Variants in CDIN1 observed in about 807,000 individuals in gnomAD.
The protein encoded by CDIN1 is CDAN1-interacting nuclease 1.
In CDIN1, 33 loss-of-function variants were observed where a neutral mutation model predicts 45.3. The observed-to-expected ratio is 0.73, with a 90% confidence interval of 0.55 to 0.97. CDIN1 has a LOEUF of 0.97. Among genes scored for constraint, CDIN1 ranks in the 50% least tolerant of loss-of-function variants. The probability of loss-of-function intolerance (pLI) is 0.00; values close to 1 mark genes in which losing one functional copy is unlikely to be tolerated. For missense variants in CDIN1, 303 were observed against 339.4 expected, an observed-to-expected ratio of 0.89 and a Z score of 0.84; for synonymous variants, 118 against 124.4, an observed-to-expected ratio of 0.95 and a Z score of 0.34.
chr15:36,710,029 TTTG>T, intron 10 of CDIN1, 68 bp downstream of exon 10: 1 of 1,205,530 alleles, frequency 8.3e-7, no homozygotes. Flanking sequence ...AAAAAAATAT[TTTG>T]TTTAGCTGGT....
Position 36,808,583 on chromosome 15 carries a change from C to G in CDIN1, c.*130C>G, listed in dbSNP as rs1005348486. On this transcript the variant is annotated 3_prime_UTR_variant, in exon 11 of 11. Coordinates refer to ENST00000566621, the MANE Select transcript of CDIN1 (RefSeq NM_001321759.2). ...TGAACTCTTGCTGCCCGTAGTCACA[C>G]CACTACCTCTTTAGACAAACATATC... 11 of 1,209,512 alleles carry G rather than the reference C, an allele frequency of 9.1e-6. No individual in the cohort carries two copies. The Admixed American group carries it at 2.5e-4, about 28-fold the overall frequency. The allele number at this position is 1,209,512 out of a possible 1,614,324, so 74.9% of individuals were successfully genotyped here.
At chr15:36,618,470 C>G in intron 1 of CDIN1, 1 of 1,117,130 alleles carries the variant, frequency 9.0e-7, no homozygotes. Flanking sequence ...ATCTCAAGAC[C>G]TCATCCTTCA....
At chr15:36,739,462 G>C (rs889849649) in intron 10 of CDIN1, among the ~76,000 whole-genome samples, 1 of 151,946 alleles carries the variant, frequency 6.6e-6, no homozygotes, top group Non-Finnish European at 1.5e-5. Flanking sequence ...GAAAAGACAG[G>C]CTGTCTCCTC....
intron 10 of CDIN1, among the ~76,000 whole-genome samples, chr15:36,717,469 C>G (rs2043254845): frequency 6.6e-6 from 1 of 152,146 alleles, no homozygotes; most frequent in Non-Finnish European, 1.5e-5. Flanking sequence ...ATAATTATTT[C>G]AGGATAATAT....
intron 7 of CDIN1, among the ~76,000 whole-genome samples, chr15:36,694,943 T>C (rs2042372186): frequency 2.0e-5 from 3 of 152,232 alleles, no homozygotes; most frequent in Admixed American, 2.0e-4. Flanking sequence ...CCATTGAGAG[T>C]TATTCATCAA....
chr15:36,680,535 T>C (rs896080597), intron 5 of CDIN1, among the ~76,000 whole-genome samples: 3 of 152,200 alleles, frequency 2.0e-5, no homozygotes, highest in South Asian at 2.1e-4. Context: ...AAGTAAAATC[T>C]TTGGGTATCA....
chr15:36,642,495 AC>A (rs1367423007), intron 1 of CDIN1, among the ~76,000 whole-genome samples: 1 of 152,188 alleles, frequency 6.6e-6, no homozygotes, highest in African/African-American at 2.4e-5. Context: ...GCCATAGAAA[AC>A]TGAGTTGCTT....
chr15:36,611,775 T>TA (rs2038661717), intron 1 of CDIN1, among the ~76,000 whole-genome samples: 1 of 152,216 alleles, frequency 6.6e-6, no homozygotes, highest in African/African-American at 2.4e-5. Context: ...ATCAAATGAA[T>TA]ATCAAGTTGT....
chr15:36,713,603 C>G (rs192264191), intron 10 of CDIN1, among the ~76,000 whole-genome samples: 3 of 152,264 alleles, frequency 2.0e-5, no homozygotes, highest in Admixed American at 2.0e-4. Flanking sequence ...TGCCCTATTA[C>G]TCTGAAGATC....
At chr15:36,724,964 T>C (rs1595522836) in intron 10 of CDIN1, among the ~76,000 whole-genome samples, 1 of 152,098 alleles carries the variant, frequency 6.6e-6, no homozygotes, top group African/African-American at 2.4e-5. Flanking sequence ...GAAAGAAACC[T>C]TGGGAGTTGC....
intron 8 of CDIN1, among the ~76,000 whole-genome samples, chr15:36,699,445 GTACACCTTGAATTT>G (rs1417876988): frequency 1.3e-5 from 2 of 152,080 alleles, no homozygotes; most frequent in Non-Finnish European, 2.9e-5. Flanking sequence ...GTTTACATGT[GTACACCTTGAATTT>G]TGTTGCAGAG....
chr15:36,657,894 A>C lies in CDIN1; in HGVS notation c.335A>C (p.Glu112Ala). ...CTGGAGAGGTTTCTACAGGAACACG[A>C]GGAAACTCCACGTGAGTTACCCTTT... Reference protein sequence around the residue: ...LILERFLQEHEETPPSKSIIN... With the variant: ...LILERFLQEHAETPPSKSIIN... Residue 112 changes from glutamate to alanine, a missense_variant, in exon 5 of 11, where the codon GAG becomes GCG. Physicochemically the swap from Glu to Ala is moderately radical, Grantham distance 107 (BLOSUM62 -1). Transcript: ENST00000566621. 6.2e-7 allele frequency: 1 copy of C among 1,611,382 alleles called. No homozygotes were observed.
intron 8 of CDIN1, chr15:36,708,816 A>T (rs2042957700): frequency 6.5e-6 from 1 of 154,038 alleles, no homozygotes. Context: ...ATTTTTTCAT[A>T]ACTGTGAAGG....
intron 10 of CDIN1, among the ~76,000 whole-genome samples, chr15:36,731,861 C>A (rs955078265): frequency 3.9e-5 from 6 of 152,120 alleles, no homozygotes; most frequent in Non-Finnish European, 7.4e-5. Context: ...TCAATTATTT[C>A]TTATACATTC....
intron 10 of CDIN1, chr15:36,799,844 T>A (rs1316822062): frequency 6.6e-6 from 1 of 152,042 alleles, no homozygotes. Context: ...AAACAGAGAG[T>A]AAAGACAACA....
chr15:36,717,751 T>C (rs557650243), intron 10 of CDIN1, among the ~76,000 whole-genome samples: 1 of 152,278 alleles, frequency 6.6e-6, no homozygotes, highest in South Asian at 2.1e-4. Flanking sequence ...ACAAAATGAC[T>C]AAACTCTTTT....
At chr15:36,606,185 A>G (rs1267466119) in intron 1 of CDIN1, among the ~76,000 whole-genome samples, 1 of 152,074 alleles carries the variant, frequency 6.6e-6, no homozygotes, top group Non-Finnish European at 1.5e-5. Flanking sequence ...TATTTTATAT[A>G]TAAATATATA....
chr15:36,771,940 A>AAC (rs2054090829), intron 10 of CDIN1, among the ~76,000 whole-genome samples: 1 of 151,568 alleles, frequency 6.6e-6, no homozygotes, highest in African/African-American at 2.4e-5. Flanking sequence ...AAAAAAAAAA[A>AAC]AAAGAAGATA....
intron 1 of CDIN1, among the ~76,000 whole-genome samples, chr15:36,634,685 C>G (rs2140363317): frequency 6.6e-6 from 1 of 152,158 alleles, no homozygotes; most frequent in East Asian, 1.9e-4. Flanking sequence ...TTGTTGTATT[C>G]CTTCTTGATG....
Sources: allele counts gnomAD v4.1 joint callset (sites outside exome capture counted in the v4.1 genomes callset), GRCh38; gene constraint gnomAD v4.1.1; transcripts MANE v1.5; gene names NCBI Gene and HGNC (gene_info 2026-07-23, HGNC 2026-07-21).